Variants in DCHS2 observed in about 807,000 individuals in gnomAD.
DCHS2 encodes dachsous cadherin-related 2, also known as protocadherin-23.
DCHS2 carries 142 observed loss-of-function variants against 182.4 expected under a neutral mutation model. The observed-to-expected ratio is 0.78, with a 90% CI of 0.68 to 0.89. The LOEUF is 0.89. Ranked by LOEUF, DCHS2 falls within the 40% of genes least tolerant of loss-of-function variation. DCHS2 has a pLI of 0.00. For missense variants in DCHS2, 4,319 were observed against 4,198.6 expected (o/e 1.03, Z -0.79); for synonymous variants, 1,740 against 1,663.3 (o/e 1.05, Z -1.12).
At chr4:154,266,702 G>T (rs1356930585) in intron 14 of DCHS2, among the ~76,000 whole-genome samples, 1 of 151,276 alleles carries the variant, frequency 6.6e-6, no homozygotes, top group East Asian at 1.9e-4. Flanking sequence ...TCAAAGTGTT[G>T]GTACAGAGGT....
rs1734855039 is a variant in DCHS2 at position 154,458,233 on chromosome 4, T to C, written c.2052+31071A>G. ...TTCTATCACCCAAAGAGAAACAATA[T>C]TTTGCTAAAATTCTAAATAAAATTC... is the stretch of plus-strand genomic sequence containing the variant. On this transcript the variant is annotated intron_variant, in intron 1 of 19. Transcript: ENST00000357232. Among the ~76,000 whole-genome samples, 4 of 152,154 alleles carry C rather than the reference T, an allele frequency of 2.6e-5. No individual in the cohort carries two copies. The South Asian group carries it at 8.3e-4, about 32-fold the overall frequency.
At chr4:154,286,623 TAGTG>T (rs1205094537) in intron 13 of DCHS2, among the ~76,000 whole-genome samples, 2 of 151,500 alleles carry the variant, frequency 1.3e-5, no homozygotes, top group Non-Finnish European at 2.9e-5. Flanking sequence ...AAGAAAGAAT[TAGTG>T]AGCTTGAAGG....
intron 12 of DCHS2, among the ~76,000 whole-genome samples, chr4:154,304,257 T>C (rs1735339974): frequency 6.6e-6 from 1 of 152,082 alleles, no homozygotes; most frequent in Non-Finnish European, 1.5e-5. Context: ...AACACTATCT[T>C]TTCCATCCTT....
At chr4:154,372,092 A>G (rs1169599976) in intron 2 of DCHS2, among the ~76,000 whole-genome samples, 4 of 152,162 alleles carry the variant, frequency 2.6e-5, no homozygotes. Flanking sequence ...AAGGAGGTAA[A>G]GGAGTATTGA....
intron 7 of DCHS2, among the ~76,000 whole-genome samples, chr4:154,325,761 C>T (rs374014160): frequency 6.6e-6 from 1 of 152,054 alleles, no homozygotes; most frequent in Non-Finnish European, 1.5e-5. Context: ...TAAATAAGTT[C>T]GGATGGTTTA....
intron 3 of DCHS2, among the ~76,000 whole-genome samples, chr4:154,340,770 A>G (rs747427436): frequency 1.3e-5 from 2 of 152,246 alleles, no homozygotes; most frequent in Admixed American, 1.3e-4. Flanking sequence ...CATGACATCA[A>G]TTATAGAGAG....
intron 1 of DCHS2, among the ~76,000 whole-genome samples, chr4:154,452,354 A>C (rs1353291432): frequency 6.6e-6 from 1 of 152,106 alleles, no homozygotes; most frequent in Non-Finnish European, 1.5e-5. Context: ...TTAAAAATTA[A>C]AGGTTGAGGC....
Position 154,236,378 on chromosome 4 carries a change from A to G in DCHS2, c.8274T>C (p.Ser2758=). The change falls in exon 20 of 20, where the codon AGT becomes AGC. Residue 2758 remains serine, a synonymous_variant. Transcript: ENST00000357232. ...KHFSFAVVFV[S]VLDDNDHAPQ... Reference sequence around the variant, plus strand: ...GTGCATGGTCGTTATCATCCAGGACACTGACAAACACAACTGCAAAAGAAA... The same window carrying G: ...GTGCATGGTCGTTATCATCCAGGACGCTGACAAACACAACTGCAAAAGAAA... The G allele has an allele frequency of 1.2e-6, 2 of 1,614,064 alleles. No individual in the cohort carries two copies. The highest frequency in any genetic ancestry group is 1.1e-5 in the South Asian group (1 of 91,080).
intron 9 of DCHS2, among the ~76,000 whole-genome samples, chr4:154,316,400 A>G (rs1735857246): frequency 6.6e-6 from 1 of 152,232 alleles, no homozygotes; most frequent in Non-Finnish European, 1.5e-5. Flanking sequence ...ATATTCTTTA[A>G]GACGGTTGAT....
intron 7 of DCHS2, among the ~76,000 whole-genome samples, chr4:154,327,530 T>C (rs1736329121): frequency 6.6e-6 from 1 of 152,168 alleles, no homozygotes. Flanking sequence ...GCACCAAATG[T>C]CTTTTAAAAT....
At chr4:154,412,570 G>C (rs769079530) in intron 1 of DCHS2, among the ~76,000 whole-genome samples, 1 of 151,688 alleles carries the variant, frequency 6.6e-6, no homozygotes, top group Non-Finnish European at 1.5e-5. Context: ...ATTCACACTT[G>C]ATAAGCAGTA....
At chr4:154,378,520 A>AAAGAAG (rs1579025517) in intron 1 of DCHS2, among the ~76,000 whole-genome samples, 2 of 64,108 alleles carry the variant, frequency 3.1e-5, no homozygotes, top group East Asian at 7.6e-4. Flanking sequence ...AAGGAAGGAA[A>AAAGAAG]GAAGGAAGGA....
chr4:154,488,101 C>T (rs1248649372), intron 1 of DCHS2, among the ~76,000 whole-genome samples: 1 of 152,130 alleles, frequency 6.6e-6, no homozygotes, highest in Non-Finnish European at 1.5e-5. Flanking sequence ...TCACTTTACC[C>T]TGGGAGGTCC....
intron 1 of DCHS2, among the ~76,000 whole-genome samples, chr4:154,417,738 G>A (rs6536008): frequency 0.83 from 125,942 of 152,170 alleles, 54,601 homozygotes; most frequent in Non-Finnish European, 0.95. Flanking sequence ...GAGAATCAGT[G>A]TTGTCTTAGG....
chr4:154,448,470 T>C (rs1734396607), intron 1 of DCHS2, among the ~76,000 whole-genome samples: 1 of 152,112 alleles, frequency 6.6e-6, no homozygotes, highest in South Asian at 2.1e-4. Flanking sequence ...CTTATCCTTG[T>C]AAGGATTTCT....
chr4:154,269,891 A>G lies in DCHS2; in HGVS notation c.6577+9T>C, dbSNP rs959454499. ...AAAATAAAGCTAGTATAGGGTAGAG[A>G]AGGATTACCTGACTTAGAGCACAGG... On this transcript the variant is annotated intron_variant, in intron 14 of 19. Coordinates refer to ENST00000357232, the MANE Select transcript of DCHS2 (RefSeq NM_001358235.2). 1.6e-5 allele frequency: 25 copies of G among 1,607,772 alleles called. No individual in the cohort carries two copies. The African/African-American group carries it at 3.0e-4, about 19-fold the overall frequency.
intron 3 of DCHS2, among the ~76,000 whole-genome samples, chr4:154,356,408 G>A (rs1162116919): frequency 6.6e-6 from 1 of 151,926 alleles, no homozygotes; most frequent in Non-Finnish European, 1.5e-5. Flanking sequence ...ATTTATTTTT[G>A]AAGAAAAAAT....
chr4:154,281,695 G>T (rs1237237459), intron 13 of DCHS2, among the ~76,000 whole-genome samples: 1 of 152,016 alleles, frequency 6.6e-6, no homozygotes, highest in Non-Finnish European at 1.5e-5. Context: ...AATAAATATG[G>T]AATGTCAAAG....
chr4:154,425,157 A>C (rs577145897), intron 1 of DCHS2, among the ~76,000 whole-genome samples: 1 of 152,324 alleles, frequency 6.6e-6, no homozygotes, highest in South Asian at 2.1e-4. Context: ...CTACCCCTTC[A>C]GTACAGAGAT....
Sources: gnomAD v4.1 joint callset for allele counts (sites outside exome capture counted in the v4.1 genomes callset) on GRCh38, gnomAD v4.1.1 for gene constraint, MANE v1.5 for transcripts, NCBI Gene and HGNC (gene_info 2026-07-23, HGNC 2026-07-21) for gene names.